NPEPPS: variants seen among roughly 807,000 people sequenced by gnomAD.
NPEPPS encodes aminopeptidase puromycin sensitive, also known as puromycin-sensitive aminopeptidase.
NPEPPS carries 14 observed loss-of-function variants against 115.5 expected under a neutral mutation model. The observed-to-expected ratio is 0.12, with a 90% CI of 0.08 to 0.19. The LOEUF is 0.19. Ranked by LOEUF, NPEPPS falls within the 10% of genes least tolerant of loss-of-function variation. The pLI is 1.00. For synonymous variants in NPEPPS, 285 were observed against 390.6 expected (o/e 0.73, Z 3.19); for missense variants, 523 against 1,110.8 (o/e 0.47, Z 7.52).
At chr17:47,543,607 G>A (rs1300700599) in intron 1 of NPEPPS, among the ~76,000 whole-genome samples, 1 of 151,554 alleles carries the variant, frequency 6.6e-6, no homozygotes, top group Non-Finnish European at 1.5e-5. Flanking sequence ...GATTACAGGC[G>A]TGAGCCACTG....
rs1914414927 is a variant in NPEPPS at position 47,619,571 on chromosome 17, C to G, written c.2560-166C>G. The G allele has an allele frequency of 6.3e-6, 4 of 632,234 alleles. No homozygotes were observed. The East Asian group carries it at 1.1e-4, about 17-fold the overall frequency. The allele number at this position is 632,234 out of a possible 1,614,324, so 39.2% of individuals were successfully genotyped here. ...CTCCGTCTCAAAAAAAAAAAAGTTT[C>G]CTTAAATAGTTACTGGCTTTATTTA... On this transcript the variant is annotated intron_variant, in intron 21 of 22. Transcript: ENST00000322157.
chr17:47,561,489 A>G (rs1910426692), intron 2 of NPEPPS, among the ~76,000 whole-genome samples: 1 of 151,842 alleles, frequency 6.6e-6, no homozygotes, highest in South Asian at 2.1e-4. Context: ...CATATATTTT[A>G]TTGAAATATT....
intron 17 of NPEPPS, among the ~76,000 whole-genome samples, chr17:47,610,323 T>G (rs1264755263): frequency 6.6e-6 from 1 of 152,142 alleles, no homozygotes; most frequent in Non-Finnish European, 1.5e-5. Context: ...ATCTCCTTCT[T>G]TCACTTAGCA....
chr17:47,558,452 C>T (rs538731850), intron 2 of NPEPPS, among the ~76,000 whole-genome samples: 4 of 145,586 alleles, frequency 2.7e-5, no homozygotes, highest in South Asian at 2.2e-4. Flanking sequence ...TTTTTTGAGA[C>T]GGAGTCTCGC....
At chr17:47,560,574 C>G (rs748122215) in intron 2 of NPEPPS, among the ~76,000 whole-genome samples, 8 of 152,114 alleles carry the variant, frequency 5.3e-5, no homozygotes, top group Non-Finnish European at 1.2e-4. Context: ...AGGAGGTCAC[C>G]TTGAAGCTTT....
rs574221438 is a variant in NPEPPS at position 47,619,032 on chromosome 17, T to G, written c.2427T>G (p.Thr809=). The G allele has an allele frequency of 6.2e-7, 1 of 1,613,886 alleles. No homozygotes were observed. Among genetic ancestry groups the G allele is most frequent in the Non-Finnish European group, 8.5e-7 (1 of 1,179,870 alleles). ...ALSEEVRPQD[T]VSVIGGVAGG... ...AGGAAGAGGTACGTCCACAGGACAC[T>G]GTATCGGTAATTGGTGGAGTAGCTG... The change falls in exon 21 of 23, where the codon ACT becomes ACG. Residue 809 remains threonine (T), a synonymous_variant. Coordinates refer to ENST00000322157, the MANE Select transcript of NPEPPS (RefSeq NM_006310.4).
Position 47,586,506 on chromosome 17 carries a change from A to G in NPEPPS, c.980+108A>G, listed in dbSNP as rs1597864170. 47 of 801,316 alleles carry G rather than the reference A, an allele frequency of 5.9e-5. No individual in the cohort carries two copies. The East Asian group carries it at 1.2e-3, about 21-fold the overall frequency. The allele number at this position is 801,316 out of a possible 1,614,324, so 49.6% of individuals were successfully genotyped here. ...GCTTCTGCTTTACGATATGGTGTAA[A>G]TTTTTCTACCTTCCCCCACTTCCGT... On this transcript the variant is annotated intron_variant, in intron 8 of 22. Transcript: ENST00000322157.
chr17:47,573,971 AAG>A (rs4060756), intron 3 of NPEPPS, among the ~76,000 whole-genome samples: 6 of 152,176 alleles, frequency 3.9e-5, no homozygotes, highest in South Asian at 2.1e-4. Flanking sequence ...TCAATAGAAA[AAG>A]AAATGAAAAA....
rs1233711243 is a variant in NPEPPS, at chr17:47,586,396, T to C, written c.978T>C (p.Tyr326=). ...TGGAGAACTGGGGCCTTGTTACTTA[T>C]AGGTATGTTAATGATGTGTTACCCT... ...GAMENWGLVT[Y]RETALLIDPK... is the part of the protein sequence containing the mutation. The change falls in exon 8 of 23, where the codon TAT becomes TAC. Residue 326 remains tyrosine (Y), a splice_region_variant and synonymous_variant. Transcript: ENST00000322157. 22 of 1,545,812 alleles carry C rather than the reference T, an allele frequency of 1.4e-5. No individual in the cohort carries two copies. The highest frequency in any genetic ancestry group is 5.5e-5 in the African/African-American group (4 of 73,136).
chr17:47,613,201 A>T (rs1913984277), intron 18 of NPEPPS, among the ~76,000 whole-genome samples: 4 of 151,646 alleles, frequency 2.6e-5, no homozygotes, highest in African/African-American at 9.7e-5. Context: ...GTGGTTGCTC[A>T]CAGGCACTGC....
At chr17:47,535,412 G>A (rs1278428947) in intron 1 of NPEPPS, among the ~76,000 whole-genome samples, 13 of 151,314 alleles carry the variant, frequency 8.6e-5, no homozygotes, top group South Asian at 4.2e-4. Context: ...TTAGCCGGGC[G>A]TGGTGGCGGG....
rs1912133974 is a variant in NPEPPS, at chr17:47,585,608, T to C, written c.757T>C (p.Tyr253His). 1 of 1,613,964 alleles carries C rather than the reference T, an allele frequency of 6.2e-7. No homozygotes were observed. Among genetic ancestry groups the C allele is most frequent in the Admixed American group, 1.7e-5 (1 of 60,014 alleles). The change falls in exon 6 of 23, where the codon TAT becomes CAT. Residue 253 changes from tyrosine (Y) to histidine (H), a missense_variant. Physicochemically the swap from Tyr to His is moderately conservative, Grantham distance 83 (BLOSUM62 2). Coordinates refer to ENST00000322157, the MANE Select transcript of NPEPPS (RefSeq NM_006310.4). ...TCTGGTGGCATTTGTTGTGGGTGAATATGACTTTGTAGAAACAAGGTCAAA... is the reference window on the plus strand; with the variant it reads ...TCTGGTGGCATTTGTTGTGGGTGAACATGACTTTGTAGAAACAAGGTCAAA... ...TYLVAFVVGEYDFVETRSKDG... is the reference protein window; with the variant it reads ...TYLVAFVVGEHDFVETRSKDG...
At chr17:47,537,975 C>G (rs887381190) in intron 1 of NPEPPS, among the ~76,000 whole-genome samples, 2 of 150,572 alleles carry the variant, frequency 1.3e-5, no homozygotes, top group African/African-American at 4.9e-5. Flanking sequence ...CTCACTGCAA[C>G]CTCCGCCTCC....
At chr17:47,612,941 G>T (rs547933614) in intron 18 of NPEPPS, among the ~76,000 whole-genome samples, 4 of 152,300 alleles carry the variant, frequency 2.6e-5, no homozygotes, top group Non-Finnish European at 5.9e-5. Context: ...GGGATTACAG[G>T]TGTGAGCTAC....
chr17:47,558,528 C>T (rs1232688797), intron 2 of NPEPPS, among the ~76,000 whole-genome samples: 2 of 152,014 alleles, frequency 1.3e-5, no homozygotes, highest in Admixed American at 1.3e-4. Flanking sequence ...CTCCTGGGTT[C>T]AAGCGATTCT....
chr17:47,552,658 T>G (rs1358353957), intron 2 of NPEPPS, among the ~76,000 whole-genome samples: 1 of 152,180 alleles, frequency 6.6e-6, no homozygotes, highest in East Asian at 1.9e-4. Flanking sequence ...TAAGGTGATA[T>G]GGATTGCTTT....
chr17:47,573,132 C>G (rs1341057317), intron 3 of NPEPPS, among the ~76,000 whole-genome samples: 2 of 152,098 alleles, frequency 1.3e-5, no homozygotes, highest in Non-Finnish European at 2.9e-5. Context: ...GAGCAGGAGC[C>G]TTCAGTTTGC....
chr17:47,595,659 ATGGTG>A (rs1912817315), intron 12 of NPEPPS, among the ~76,000 whole-genome samples: 1 of 151,972 alleles, frequency 6.6e-6, no homozygotes, highest in Non-Finnish European at 1.5e-5. Context: ...CCTGGGCAAC[ATGGTG>A]AAATCCCATC....
At chr17:47,579,063 A>G (rs2663764) in intron 3 of NPEPPS, among the ~76,000 whole-genome samples, 4 of 152,216 alleles carry the variant, frequency 2.6e-5, no homozygotes, top group African/African-American at 4.8e-5. Flanking sequence ...TAAAAGCACT[A>G]TGCACAATAG....
Sources: allele counts gnomAD v4.1 joint callset (sites outside exome capture counted in the v4.1 genomes callset), GRCh38; gene constraint gnomAD v4.1.1; transcripts MANE v1.5; gene names NCBI Gene and HGNC (gene_info 2026-07-23, HGNC 2026-07-21).